Variants in IL16 observed in about 807,000 individuals in gnomAD.
IL16 encodes the protein interleukin 16, also known as pro-interleukin-16.
In IL16, 67 loss-of-function variants were observed where a neutral mutation model predicts 110.1. That is an observed-to-expected ratio of 0.61 (90% CI 0.50 to 0.75). IL16 has a LOEUF of 0.75. Ranked by LOEUF, IL16 falls within the 30% of genes least tolerant of loss-of-function variation. IL16 has a pLI of 0.00. For missense variants in IL16, 1,545 were observed against 1,655.0 expected, an observed-to-expected ratio of 0.93 and a Z score of 1.15; for synonymous variants, 689 against 662.9, an observed-to-expected ratio of 1.04 and a Z score of -0.61.
chr15:81,185,167 A>G (rs1005462935), intron 1 of IL16, among the ~76,000 whole-genome samples: 1 of 152,148 alleles, frequency 6.6e-6, no homozygotes, highest in Admixed American at 6.5e-5. Flanking sequence ...CAATAAAAAA[A>G]GTAAAACCAC....
intron 15 of IL16, among the ~76,000 whole-genome samples, chr15:81,302,580 A>G (rs1900341980): frequency 6.6e-6 from 1 of 152,116 alleles, no homozygotes; most frequent in South Asian, 2.1e-4. Context: ...AAGTCTTAGG[A>G]TCATAGGGAC....
At chr15:81,243,163 ATTTTT>A (rs1219851899) in intron 2 of IL16, among the ~76,000 whole-genome samples, 165 of 14,934 alleles carry the variant, frequency 0.011, no homozygotes, top group African/African-American at 0.032. Context: ...ATATATATAT[ATTTTT>A]TTTTTTTTTT....
rs56259509 is a variant in IL16, at chr15:81,267,479, G to GAC, written c.564+1704_564+1705dup. 5.4e-3 allele frequency among the ~76,000 whole-genome samples: 585 copies of GAC among 107,586 alleles called. 1 individual carries two copies. Among genetic ancestry groups the GAC allele is most frequent in the Admixed American group, 5.9e-3 (73 of 12,386 alleles). 70.6% of individuals were successfully genotyped at this position (107,586 alleles called of 152,430 possible). On this transcript the variant is annotated intron_variant, in intron 4 of 18. Transcript: ENST00000683961. ...ACACATACGCAGACACACATACACA[G>GAC]ACACACACACACACACACACACACA...
intron 10 of IL16, among the ~76,000 whole-genome samples, chr15:81,289,708 C>A (rs1043476272): frequency 6.6e-6 from 1 of 152,096 alleles, no homozygotes; most frequent in Non-Finnish European, 1.5e-5. Context: ...ATATGATTTG[C>A]GAATATTTTC....
At chr15:81,187,800 C>A (rs910837187) in intron 1 of IL16, among the ~76,000 whole-genome samples, 3 of 152,212 alleles carry the variant, frequency 2.0e-5, no homozygotes, top group African/African-American at 7.2e-5. Context: ...GAGCAGACCT[C>A]ATGATGAGTT....
chr15:81,285,064 A>G (rs903015540), intron 9 of IL16, among the ~76,000 whole-genome samples: 6 of 149,634 alleles, frequency 4.0e-5, no homozygotes. Flanking sequence ...TATCTATGTG[A>G]CCCCGTGTTT....
At chr15:81,200,438 C>T (rs577823457) in intron 1 of IL16, among the ~76,000 whole-genome samples, 8 of 152,148 alleles carry the variant, frequency 5.3e-5, no homozygotes, top group South Asian at 2.1e-4. Context: ...AGTGCAATCC[C>T]GGCTCACTGC....
chr15:81,224,333 G>T (rs1896717122), intron 1 of IL16, among the ~76,000 whole-genome samples: 1 of 152,224 alleles, frequency 6.6e-6, no homozygotes, highest in South Asian at 2.1e-4. Context: ...CTCTTTTGTG[G>T]CTTGGGCCTG....
chr15:81,310,107 C>T lies in IL16; in HGVS notation c.*1309C>T, dbSNP rs890807743. 1 of 152,276 alleles carries T rather than the reference C, an allele frequency of 6.6e-6. No individual in the cohort carries two copies. Among genetic ancestry groups the T allele is most frequent in the South Asian group, 2.1e-4 (1 of 4,828 alleles). The allele number at this position is 152,276 out of a possible 1,614,324, so 9.4% of individuals were successfully genotyped here. ...TTTGCATCAGCAACAACCAGCATCC[C>T]TTGACCAGGCCTGGGCCAGAGTATT... On this transcript the variant is annotated 3_prime_UTR_variant, in exon 19 of 19. Coordinates refer to ENST00000683961, the MANE Select transcript of IL16 (RefSeq NM_172217.5).
chr15:81,245,510 G>A (rs955256648), intron 2 of IL16, among the ~76,000 whole-genome samples: 2 of 152,062 alleles, frequency 1.3e-5, no homozygotes, highest in Admixed American at 6.5e-5. Flanking sequence ...AAGTCCCATC[G>A]CTCTACTCAG....
At position 81,299,917 on chromosome 15, in the gene IL16, T is replaced by G; in HGVS notation, c.2591T>G (p.Leu864Arg). The G allele has an allele frequency of 1.2e-6, 2 of 1,613,464 alleles. No homozygotes were observed. Among genetic ancestry groups the G allele is most frequent in the Non-Finnish European group, 1.7e-6 (2 of 1,179,984 alleles). ...GACAAAGGAGCCCAGAGACTGAGCC[T>G]CCAGCCCTCCTCTGGGGAGGCAGCA... is the stretch of plus-strand genomic sequence containing the variant. The part of the protein sequence containing the change: ...LPDKGAQRLS[L>R]QPSSGEAAKP... Residue 864 changes from leucine to arginine, a missense_variant, in exon 14 of 19, where the codon CTC becomes CGC. This residue lies in a region of IL16 where 1,185 missense variants were observed against 1,238.8 expected (regional missense o/e 0.96). Coordinates refer to ENST00000683961, the MANE Select transcript of IL16 (RefSeq NM_172217.5).
At chr15:81,233,159 A>G (rs1000831763) in intron 2 of IL16, among the ~76,000 whole-genome samples, 22 of 152,142 alleles carry the variant, frequency 1.4e-4, no homozygotes, top group African/African-American at 5.1e-4. Flanking sequence ...GTTAATAAAA[A>G]TCTTATATTT....
In IL16 at chr15:81,285,735, G is replaced by A. The variant is rs765862157; in HGVS notation, c.1237G>A (p.Val413Met). The A allele has an allele frequency of 6.2e-7, 1 of 1,614,082 alleles. No individual in the cohort carries two copies. The highest frequency in any genetic ancestry group is 1.1e-5 in the South Asian group (1 of 91,078). The change falls in exon 10 of 19, where the codon GTG (valine) becomes ATG (methionine). Residue 413 changes from valine to methionine, a missense_variant. Around this residue, in one of 3 missense-constraint regions of IL16, gnomAD observed 1,185 missense variants for 1,238.8 expected, o/e 0.96. Transcript: ENST00000683961. ...GATTGTGGAAATCAGTGATTCCCCT[G>A]TGCACTGCCTGACGCTCAATGAAGT... ...DEIVEISDSP[V>M]HCLTLNEVYT...
chr15:81,231,381 T>C (rs888572347), intron 2 of IL16, among the ~76,000 whole-genome samples: 10 of 144,400 alleles, frequency 6.9e-5, no homozygotes, highest in East Asian at 6.1e-4. Context: ...TCTCTCTCTC[T>C]CCCTCTCTTA....
chr15:81,210,421 A>G (rs1252311454), intron 1 of IL16, among the ~76,000 whole-genome samples: 2 of 152,206 alleles, frequency 1.3e-5, no homozygotes, highest in African/African-American at 4.8e-5. Flanking sequence ...GTTTGATAGG[A>G]ATAGCATTCA....
intron 10 of IL16, among the ~76,000 whole-genome samples, chr15:81,289,617 A>T (rs1016669755): frequency 4.6e-5 from 7 of 152,068 alleles, no homozygotes; most frequent in African/African-American, 1.7e-4. Flanking sequence ...CCCAGTTTTT[A>T]ATCAGGTTGT....
chr15:81,188,627 G>A (rs541248594), intron 1 of IL16, among the ~76,000 whole-genome samples: 8 of 152,144 alleles, frequency 5.3e-5, no homozygotes, highest in Admixed American at 2.0e-4. Flanking sequence ...GGGTGTGCAC[G>A]TGCATACGTA....
chr15:81,204,304 T>C (rs1345934206), intron 1 of IL16, among the ~76,000 whole-genome samples: 1 of 151,924 alleles, frequency 6.6e-6, no homozygotes, highest in Admixed American at 6.6e-5. Context: ...CCTAATTGAA[T>C]ACCCTTTATT....
chr15:81,184,873 C>G (rs1365680461), intron 1 of IL16, among the ~76,000 whole-genome samples: 1 of 152,212 alleles, frequency 6.6e-6, no homozygotes, highest in Admixed American at 6.5e-5. Flanking sequence ...CACTCCAGCT[C>G]TGCTATTTCA....
Sources: gnomAD v4.1 joint callset for allele counts (sites outside exome capture counted in the v4.1 genomes callset) on GRCh38, gnomAD v4.1.1 for gene constraint, gnomAD v4.1.1 regional missense constraint, MANE v1.5 for transcripts, NCBI Gene and HGNC (gene_info 2026-07-23, HGNC 2026-07-21) for gene names.